MAGI2: variants seen among roughly 807,000 people sequenced by gnomAD.
MAGI2 encodes the protein membrane associated guanylate kinase, WW and PDZ domain containing 2.
In MAGI2, 35 loss-of-function variants were observed where a neutral mutation model predicts 133.3. The observed-to-expected ratio is 0.26, with a 90% CI of 0.20 to 0.35. MAGI2 has a LOEUF of 0.35. MAGI2 is among the 10% of genes least tolerant of loss of function. The probability of loss-of-function intolerance (pLI) is 1.00; values close to 1 mark genes in which losing one functional copy is unlikely to be tolerated. For missense variants in MAGI2, 1,636 were observed against 1,863.4 expected (o/e 0.88, Z 2.25); for synonymous variants, 729 against 710.6 (o/e 1.03, Z -0.41).
chr7:79,164,071 A>G (rs1472035901), intron 1 of MAGI2, among the ~76,000 whole-genome samples: 2 of 152,006 alleles, frequency 1.3e-5, no homozygotes, highest in African/African-American at 4.8e-5. Context: ...CAACTCTAGA[A>G]ATGAGCCTTC....
chr7:79,388,352 T>C (rs549762953), intron 1 of MAGI2, among the ~76,000 whole-genome samples: 1 of 152,080 alleles, frequency 6.6e-6, no homozygotes, highest in South Asian at 2.1e-4. Context: ...CAAGTACCTA[T>C]CAATACAGGT....
intron 3 of MAGI2, among the ~76,000 whole-genome samples, chr7:78,558,846 T>A (rs1800096454): frequency 6.6e-6 from 1 of 151,486 alleles, no homozygotes; most frequent in Non-Finnish European, 1.5e-5. Context: ...CGTTTTTTTT[T>A]TTTTTTTTTT....
At chr7:79,001,399 C>G (rs543646790) in intron 2 of MAGI2, among the ~76,000 whole-genome samples, 2 of 152,288 alleles carry the variant, frequency 1.3e-5, no homozygotes, top group African/African-American at 4.8e-5. Context: ...CCTTCCTTTT[C>G]ATTTTGAAAC....
intron 4 of MAGI2, among the ~76,000 whole-genome samples, chr7:78,506,192 A>C (rs1260880622): frequency 6.6e-6 from 1 of 152,180 alleles, no homozygotes; most frequent in Non-Finnish European, 1.5e-5. Context: ...GGAAAGAAGC[A>C]GATTAAAAAA....
At chr7:79,299,139 A>T (rs1837178120) in intron 1 of MAGI2, among the ~76,000 whole-genome samples, 1 of 152,124 alleles carries the variant, frequency 6.6e-6, no homozygotes, top group African/African-American at 2.4e-5. Flanking sequence ...TAATAGATGC[A>T]TGCTCAGAAT....
At position 79,060,843 on chromosome 7, in the gene MAGI2, G is replaced by A. The variant is rs957160808; in HGVS notation, c.302-53637C>T. ...AACAAATCCCACTACATGAAATAACGAAGTCTCTTCCTTACAACAAGAAAT... is the reference window on the plus strand; with the variant it reads ...AACAAATCCCACTACATGAAATAACAAAGTCTCTTCCTTACAACAAGAAAT... On this transcript the variant is annotated intron_variant, in intron 1 of 21. Transcript: ENST00000354212. Among the ~76,000 whole-genome samples the A allele has an allele frequency of 3.9e-5, 6 of 152,080 alleles. No homozygotes were observed. The South Asian group carries it at 6.2e-4, about 16-fold the overall frequency.
rs573911379 is a variant in MAGI2 at position 79,187,045 on chromosome 7, G to C, written c.302-179839C>G. ...ATTCAAATGAAACTTAAGTATTTGG[G>C]GGCAACTTAAGAATTTGGGGGAAAT... On this transcript the variant is annotated intron_variant, in intron 1 of 21. Transcript: ENST00000354212. Among the ~76,000 whole-genome samples, 9 of 151,158 alleles carry C rather than the reference G, an allele frequency of 6.0e-5. No individual in the cohort carries two copies. The East Asian group carries it at 1.6e-3, about 26-fold the overall frequency.
At chr7:78,128,216 G>A (rs1821188647) in intron 18 of MAGI2, among the ~76,000 whole-genome samples, 1 of 152,204 alleles carries the variant, frequency 6.6e-6, no homozygotes. Flanking sequence ...TAGGAGTGTA[G>A]CATTGTTTTG....
chr7:79,312,202 A>G (rs1838344636), intron 1 of MAGI2, among the ~76,000 whole-genome samples: 1 of 152,184 alleles, frequency 6.6e-6, no homozygotes, highest in Non-Finnish European at 1.5e-5. Context: ...CAATCAATCC[A>G]AGCTGAGACA....
At chr7:78,465,290 T>C (rs1051900636) in intron 6 of MAGI2, among the ~76,000 whole-genome samples, 1 of 152,170 alleles carries the variant, frequency 6.6e-6, no homozygotes, top group South Asian at 2.1e-4. Flanking sequence ...TCCTAGCATA[T>C]GAATCTTAAA....
chr7:79,322,234 A>G (rs1376305939), intron 1 of MAGI2, among the ~76,000 whole-genome samples: 2 of 152,222 alleles, frequency 1.3e-5, no homozygotes, highest in Non-Finnish European at 2.9e-5. Flanking sequence ...AGTAAGGTAC[A>G]GAGAGATTAC....
At chr7:78,195,752 T>G (rs1182391188) in intron 11 of MAGI2, among the ~76,000 whole-genome samples, 3 of 152,178 alleles carry the variant, frequency 2.0e-5, no homozygotes, top group Non-Finnish European at 4.4e-5. Flanking sequence ...ATACGTGATC[T>G]TCTTGGATCC....
At chr7:79,386,162 T>C (rs868845009) in intron 1 of MAGI2, among the ~76,000 whole-genome samples, 1 of 151,988 alleles carries the variant, frequency 6.6e-6, no homozygotes, top group Non-Finnish European at 1.5e-5. Context: ...TAATAATTTA[T>C]ACTAATGGTT....
intron 20 of MAGI2, among the ~76,000 whole-genome samples, chr7:78,125,020 C>T (rs564939843): frequency 4.6e-5 from 7 of 152,198 alleles, no homozygotes; most frequent in Non-Finnish European, 8.8e-5. Context: ...CCCGCCACCA[C>T]GCCTGGCTAA....
At chr7:79,395,199 T>G (rs1844957704) in intron 1 of MAGI2, among the ~76,000 whole-genome samples, 1 of 152,148 alleles carries the variant, frequency 6.6e-6, no homozygotes, top group Admixed American at 6.5e-5. Context: ...CAAATAAATG[T>G]AAAAGTGAGC....
intron 2 of MAGI2, among the ~76,000 whole-genome samples, chr7:78,981,814 T>C (rs1804812726): frequency 6.6e-6 from 1 of 151,966 alleles, no homozygotes; most frequent in Non-Finnish European, 1.5e-5. Context: ...GTAGACAGTG[T>C]AAATTCATAC....
Position 78,065,536 on chromosome 7 carries a change from C to T in MAGI2, c.3706+13411G>A, listed in dbSNP as rs1050785719. The stretch of plus-strand genomic sequence containing the variant: ...TAAAAACATATGCAAAACCAAGGCT[C>T]ATTAGAGAAAGATAATATTCATGCA... On this transcript the variant is annotated intron_variant, in intron 21 of 21. Transcript: ENST00000354212. 8.7e-5 allele frequency: 57 copies of T among 653,936 alleles called. 1 individual carries two copies. The Admixed American group carries it at 1.0e-3, about 12-fold the overall frequency. 40.5% of individuals were successfully genotyped at this position (653,936 alleles called of 1,614,324 possible). A position where few individuals can be genotyped will look rare whatever the true frequency, so the allele number is the denominator to read the frequency against.
intron 2 of MAGI2, among the ~76,000 whole-genome samples, chr7:78,921,083 G>T (rs1011517721): frequency 5.9e-5 from 9 of 151,934 alleles, no homozygotes; most frequent in Admixed American, 3.9e-4. Flanking sequence ...TTTAGGTTAT[G>T]AAGTTGATTA....
intron 9 of MAGI2, among the ~76,000 whole-genome samples, chr7:78,335,733 T>G (rs1204470353): frequency 6.6e-6 from 1 of 152,108 alleles, no homozygotes; most frequent in African/African-American, 2.4e-5. Flanking sequence ...ATGACACTTT[T>G]GGGGGAAAAT....
Sources: gnomAD v4.1 joint callset for allele counts (sites outside exome capture counted in the v4.1 genomes callset) on GRCh38, gnomAD v4.1.1 for gene constraint, MANE v1.5 for transcripts, NCBI Gene and HGNC (gene_info 2026-07-23, HGNC 2026-07-21) for gene names.